Variants in CCR5AS observed in about 807,000 individuals in gnomAD.
The protein encoded by CCR5AS is CCR5 antisense RNA.
intron 3 of CCR5AS, among the ~76,000 whole-genome samples, chr3:46,370,478 T>C (rs1479371564): frequency 6.6e-6 from 1 of 152,232 alleles, no homozygotes; most frequent in African/African-American, 2.4e-5. Flanking sequence ...GATCCCCCTC[T>C]ACATTTAAAG....
intron 2 of CCR5AS, among the ~76,000 whole-genome samples, chr3:46,392,295 C>T (rs1178242152): frequency 6.6e-6 from 1 of 152,162 alleles, no homozygotes; most frequent in East Asian, 1.9e-4. Context: ...GATGGCCAGG[C>T]TTATAAGCCC....
rs186352754 is a variant in CCR5AS at position 46,372,290 on chromosome 3, G to A, written n.392-873C>T. Among the ~76,000 whole-genome samples, 3 of 152,302 alleles carry A rather than the reference G, an allele frequency of 2.0e-5. No individual in the cohort carries two copies. The East Asian group carries it at 5.8e-4, about 29-fold the overall frequency. On this transcript the variant is annotated intron_variant and non_coding_transcript_variant, in intron 2 of 3. Coordinates refer to ENST00000451485, the Ensembl canonical transcript of CCR5AS. ...TCATGCCTGTAATCCCAGCATTCTAGGAGGCTGAGGCAGGAGGATCGCTTG... is the reference window on the plus strand; with the variant it reads ...TCATGCCTGTAATCCCAGCATTCTAAGAGGCTGAGGCAGGAGGATCGCTTG...
intron 3 of CCR5AS, among the ~76,000 whole-genome samples, chr3:46,366,494 A>G (rs1473625466): frequency 1.3e-5 from 2 of 152,240 alleles, no homozygotes; most frequent in Non-Finnish European, 2.9e-5. Context: ...AAGACTTCTC[A>G]GCTGAGCTAA....
chr3:46,379,621 G>A (rs144891973), intron 2 of CCR5AS, among the ~76,000 whole-genome samples: 5,706 of 152,186 alleles, frequency 0.037, 352 homozygotes, highest in African/African-American at 0.13. Context: ...TTCGCCAGGC[G>A]TGGTGGCTCA....
rs765254357 is a variant in CCR5AS at position 46,373,596 on chromosome 3, A to G, written n.392-2179T>C. The G allele has an allele frequency of 1.9e-5, 30 of 1,613,930 alleles. 1 individual carries two copies. In the South Asian group the frequency reaches 3.2e-4, roughly 17 times the overall value. ...GTGTCGAAATGAGAAGAAGAGGCAC[A>G]GGGCTGTGAGGCTTATCTTCACCAT... On this transcript the variant is annotated intron_variant and non_coding_transcript_variant, in intron 2 of 3. Transcript: ENST00000451485.
intron 1 of CCR5AS, among the ~76,000 whole-genome samples, chr3:46,404,285 C>T (rs1702026874): frequency 6.8e-6 from 1 of 146,108 alleles, no homozygotes; most frequent in African/African-American, 2.5e-5. Context: ...TGCCCATCTT[C>T]TCAGCAAGGC....
intron 3 of CCR5AS, among the ~76,000 whole-genome samples, chr3:46,366,046 A>G (rs916374361): frequency 5.3e-5 from 8 of 151,946 alleles, no homozygotes; most frequent in Non-Finnish European, 1.0e-4. Context: ...AGATGCCCTC[A>G]CTCGCTTCCC....
chr3:46,379,569 C>G (rs1392208669), intron 2 of CCR5AS, among the ~76,000 whole-genome samples: 1 of 152,128 alleles, frequency 6.6e-6, no homozygotes, highest in Non-Finnish European at 1.5e-5. Context: ...TCCAAACCTC[C>G]TTCAGGGAAG....
chr3:46,385,598 T>G (rs542604228), intron 2 of CCR5AS, among the ~76,000 whole-genome samples: 1 of 152,212 alleles, frequency 6.6e-6, no homozygotes, highest in Non-Finnish European at 1.5e-5. Flanking sequence ...GAGAAATCTT[T>G]ACCTTTTTCA....
intron 1 of CCR5AS, among the ~76,000 whole-genome samples, chr3:46,406,718 G>C (rs981165504): frequency 6.6e-6 from 1 of 152,028 alleles, no homozygotes; most frequent in Non-Finnish European, 1.5e-5. Context: ...GCTTTCCTCA[G>C]TGTTGACACC....
At chr3:46,386,984 T>C (rs1227165778) in intron 2 of CCR5AS, among the ~76,000 whole-genome samples, 1 of 152,240 alleles carries the variant, frequency 6.6e-6, no homozygotes, top group East Asian at 1.9e-4. Flanking sequence ...AACATATTAA[T>C]ACTATTTTCT....
chr3:46,378,762 C>T (rs901206498), intron 2 of CCR5AS, among the ~76,000 whole-genome samples: 17 of 152,132 alleles, frequency 1.1e-4, no homozygotes, highest in African/African-American at 3.9e-4. Context: ...AGTCTCCATT[C>T]GGGGTACAGG....
rs1379360638 is a variant in CCR5AS, at chr3:46,373,016, A to C, written n.392-1599T>G. 3 of 1,613,938 alleles carry C rather than the reference A, an allele frequency of 1.9e-6. No homozygotes were observed. The African/African-American group carries it at 4.0e-5, about 22-fold the overall frequency. ...CCCGCCTCCTGCCTCCGCTCTACTC[A>C]CTGGTGTTCATCTTTGGTTTTGTGG... is the stretch of plus-strand genomic sequence containing the variant. On this transcript the variant is annotated intron_variant and non_coding_transcript_variant, in intron 2 of 3. Transcript: ENST00000451485.
intron 1 of CCR5AS, among the ~76,000 whole-genome samples, chr3:46,400,349 A>G (rs930954494): frequency 6.6e-6 from 1 of 152,196 alleles, no homozygotes; most frequent in African/African-American, 2.4e-5. Flanking sequence ...AGGATAATTT[A>G]TCTAAGGCTG....
chr3:46,370,675 C>T (rs900236384), intron 3 of CCR5AS, among the ~76,000 whole-genome samples: 5 of 152,094 alleles, frequency 3.3e-5, no homozygotes, highest in Non-Finnish European at 7.4e-5. Flanking sequence ...CTCTGATATC[C>T]TTTATTCTTT....
At chr3:46,402,963 C>T (rs1303107562) in intron 1 of CCR5AS, among the ~76,000 whole-genome samples, 2 of 152,194 alleles carry the variant, frequency 1.3e-5, no homozygotes, top group Non-Finnish European at 2.9e-5. Context: ...CATCATTTAG[C>T]TCCCACTTAT....
At chr3:46,376,719 T>C (rs1291256460) in intron 2 of CCR5AS, among the ~76,000 whole-genome samples, 1 of 152,150 alleles carries the variant, frequency 6.6e-6, no homozygotes, top group Admixed American at 6.5e-5. Flanking sequence ...GACAATCATG[T>C]ACATTTGGAT....
chr3:46,393,921 C>G (rs1701937780), intron 1 of CCR5AS, among the ~76,000 whole-genome samples: 1 of 152,212 alleles, frequency 6.6e-6, no homozygotes, highest in African/African-American at 2.4e-5. Context: ...CTGAACTGCA[C>G]TTTTTCTAGA....
chr3:46,399,831 G>T (rs1347898357), intron 1 of CCR5AS, among the ~76,000 whole-genome samples: 1 of 152,138 alleles, frequency 6.6e-6, no homozygotes. Flanking sequence ...GAAGAGACTG[G>T]AAGCTTTAGG....
Sources: gnomAD v4.1 joint callset for allele counts (sites outside exome capture counted in the v4.1 genomes callset) on GRCh38, gnomAD v4.1.1 for gene constraint, MANE v1.5 for transcripts, NCBI Gene and HGNC (gene_info 2026-07-23, HGNC 2026-07-21) for gene names.